The following SORCS3 variants were observed in gnomAD, a reference collection of about 807,000 sequenced individuals.
SORCS3 encodes VPS10 domain-containing receptor SorCS3.
In SORCS3, 57 loss-of-function variants were observed where a neutral mutation model predicts 146.3. That is an observed-to-expected ratio of 0.39 (90% CI 0.31 to 0.49). SORCS3 has a LOEUF of 0.49. SORCS3 is among the 20% of genes least tolerant of loss of function. SORCS3 has a pLI of 0.92. For missense variants in SORCS3, 1,341 were observed against 1,575.5 expected (o/e 0.85, Z 2.52); for synonymous variants, 653 against 618.5 (o/e 1.06, Z -0.83).
chr10:105,070,545 C>G (rs1029784056), intron 5 of SORCS3, among the ~76,000 whole-genome samples: 1 of 152,140 alleles, frequency 6.6e-6, no homozygotes, highest in Non-Finnish European at 1.5e-5. Context: ...GATCAAGGAA[C>G]CTCACATCAT....
chr10:104,796,634 A>G (rs986160173), intron 1 of SORCS3, among the ~76,000 whole-genome samples: 1 of 152,228 alleles, frequency 6.6e-6, no homozygotes, highest in African/African-American at 2.4e-5. Context: ...TCAATTAATT[A>G]TAGTTAAAAA....
Position 104,936,397 on chromosome 10 carries a change from G to A in SORCS3, c.795+20465G>A, listed in dbSNP as rs181520211. 1.4e-3 allele frequency among the ~76,000 whole-genome samples: 214 copies of A among 152,290 alleles called. 3 individuals are homozygous for A. The highest frequency in any genetic ancestry group is 0.013 in the Admixed American group (200 of 15,302). On this transcript the variant is annotated intron_variant, in intron 3 of 26. Coordinates refer to ENST00000369701, the MANE Select transcript of SORCS3 (RefSeq NM_014978.3). ...AGAAAAGTGGGATCAACCCAAATTA[G>A]TGTTTGGATGTTGGGATAAGAAAAG...
chr10:104,816,106 A>AATT, intron 1 of SORCS3, among the ~76,000 whole-genome samples: 1 of 152,160 alleles, frequency 6.6e-6, no homozygotes, highest in Non-Finnish European at 1.5e-5. Flanking sequence ...ATATTACCTA[A>AATT]AGTGGACTTA....
chr10:104,858,662 C>A (rs1379286058), intron 2 of SORCS3, among the ~76,000 whole-genome samples: 1 of 150,472 alleles, frequency 6.6e-6, no homozygotes, highest in Non-Finnish European at 1.5e-5. Flanking sequence ...CGCTCTGTCG[C>A]CCAGGCTGGA....
At chr10:105,213,333 T>A (rs12250226) in intron 17 of SORCS3, among the ~76,000 whole-genome samples, 49,945 of 152,086 alleles carry the variant, frequency 0.33, 8,356 homozygotes, top group South Asian at 0.47. Context: ...GACTAATATC[T>A]TTCAAAAAGA....
intron 2 of SORCS3, among the ~76,000 whole-genome samples, chr10:104,851,205 A>C (rs2018270874): frequency 2.0e-5 from 3 of 152,172 alleles, no homozygotes; most frequent in Admixed American, 2.0e-4. Flanking sequence ...ATATTTTCCT[A>C]TTTATTATGG....
chr10:104,887,625 C>T (rs929849840), intron 2 of SORCS3, among the ~76,000 whole-genome samples: 5 of 152,098 alleles, frequency 3.3e-5, no homozygotes, highest in African/African-American at 7.2e-5. Flanking sequence ...GCTCACCCTG[C>T]GATCTTGTCT....
intron 1 of SORCS3, among the ~76,000 whole-genome samples, chr10:104,716,174 A>G (rs77231566): frequency 0.031 from 4,699 of 151,818 alleles, 241 homozygotes; most frequent in African/African-American, 0.1. Flanking sequence ...TAACATTTTC[A>G]CTGTCGGACA....
At chr10:104,684,911 G>A (rs923096136) in intron 1 of SORCS3, among the ~76,000 whole-genome samples, 29 of 144,096 alleles carry the variant, frequency 2.0e-4, no homozygotes, top group Admixed American at 7.3e-5. Flanking sequence ...TCTGCCTCCC[G>A]GGTTTCAGCA....
chr10:105,159,781 G>C (rs2056246426), intron 11 of SORCS3, among the ~76,000 whole-genome samples: 1 of 152,114 alleles, frequency 6.6e-6, no homozygotes, highest in African/African-American at 2.4e-5. Context: ...CCAAAGCTCT[G>C]GTCCCTGGAG....
chr10:105,030,112 TAGG>T (rs1248233663), intron 4 of SORCS3, among the ~76,000 whole-genome samples: 1 of 152,224 alleles, frequency 6.6e-6, no homozygotes, highest in African/African-American at 2.4e-5. Context: ...TTGCTGAAGC[TAGG>T]AGTTGGGTCT....
intron 2 of SORCS3, among the ~76,000 whole-genome samples, chr10:104,895,043 G>T (rs558366696): frequency 6.6e-6 from 1 of 152,134 alleles, no homozygotes; most frequent in Non-Finnish European, 1.5e-5. Context: ...GCAGGTGTGG[G>T]GCTCCAGTGT....
intron 1 of SORCS3, among the ~76,000 whole-genome samples, chr10:104,792,675 C>A (rs944000497): frequency 1.3e-5 from 2 of 152,168 alleles, no homozygotes; most frequent in African/African-American, 2.4e-5. Context: ...ACTTTACTAT[C>A]ATTATTTTCT....
intron 1 of SORCS3, among the ~76,000 whole-genome samples, chr10:104,678,951 G>A (rs1461276686): frequency 6.6e-6 from 1 of 152,150 alleles, no homozygotes; most frequent in Non-Finnish European, 1.5e-5. Context: ...TACAAATATA[G>A]GTTCATTTAC....
intron 17 of SORCS3, 131 bp from the exon 18 acceptor site, chr10:105,214,311 G>A: frequency 1.1e-6 from 1 of 926,422 alleles, no homozygotes; most frequent in Non-Finnish European, 1.7e-6. Flanking sequence ...TTGGTTTCCA[G>A]GGGCCGCTGT....
At chr10:104,932,480 A>G (rs1189953130) in intron 3 of SORCS3, among the ~76,000 whole-genome samples, 1 of 152,174 alleles carries the variant, frequency 6.6e-6, no homozygotes, top group African/African-American at 2.4e-5. Flanking sequence ...AGAACTTTCT[A>G]TATATCTTCA....
intron 3 of SORCS3, among the ~76,000 whole-genome samples, chr10:104,918,903 G>C (rs752425297): frequency 6.6e-6 from 1 of 152,188 alleles, no homozygotes; most frequent in Admixed American, 6.5e-5. Context: ...GTACCTGTTT[G>C]TATCTGTTTT....
chr10:105,165,220 C>T (rs568550802), intron 12 of SORCS3, among the ~76,000 whole-genome samples: 6 of 152,070 alleles, frequency 3.9e-5, no homozygotes, highest in East Asian at 3.9e-4. Context: ...GAAATGGGTT[C>T]GTAGCTAGAT....
intron 2 of SORCS3, among the ~76,000 whole-genome samples, chr10:104,865,258 G>A (rs968592836): frequency 2.0e-5 from 3 of 152,162 alleles, no homozygotes; most frequent in African/African-American, 7.2e-5. Flanking sequence ...AAGGAAGGAA[G>A]ACAGGAAAGC....
Sources: gnomAD v4.1 joint callset for allele counts (sites outside exome capture counted in the v4.1 genomes callset) on GRCh38, gnomAD v4.1.1 for gene constraint, MANE v1.5 for transcripts, NCBI Gene and HGNC (gene_info 2026-07-23, HGNC 2026-07-21) for gene names.